SVOP: variants seen among roughly 807,000 people sequenced by gnomAD.
SVOP encodes the protein SV2 related protein.
SVOP carries 17 observed loss-of-function variants against 69.1 expected under a neutral mutation model. That is an observed-to-expected ratio of 0.25 (90% CI 0.17 to 0.37). SVOP has a LOEUF of 0.37. SVOP is among the 10% of genes least tolerant of loss of function. SVOP has a pLI of 1.00. For missense variants in SVOP, 435 were observed against 597.5 expected (o/e 0.73, Z 2.84); for synonymous variants, 238 against 238.6 (o/e 1.00, Z 0.02).
At chr12:108,995,410 C>T (rs2040225748) in intron 1 of SVOP, among the ~76,000 whole-genome samples, 1 of 151,970 alleles carries the variant, frequency 6.6e-6, no homozygotes, top group African/African-American at 2.4e-5. Flanking sequence ...AGGATTCTAC[C>T]TATATGAGGA....
At chr12:108,956,496 G>C (rs567456788) in intron 6 of SVOP, among the ~76,000 whole-genome samples, 1 of 152,068 alleles carries the variant, frequency 6.6e-6, no homozygotes, top group Admixed American at 6.6e-5. Flanking sequence ...GAGCCAGCCT[G>C]CCCGCAACAG....
intron 12 of SVOP, 97 bp from the exon 13 acceptor site, chr12:108,919,883 G>A (rs2039738380): frequency 6.2e-6 from 5 of 800,558 alleles, no homozygotes; most frequent in East Asian, 2.7e-5. Context: ...CCCCTGGAGG[G>A]TGGACTAGAC....
intron 6 of SVOP, among the ~76,000 whole-genome samples, chr12:108,958,338 T>C (rs1436719839): frequency 2.0e-5 from 3 of 151,512 alleles, no homozygotes; most frequent in Admixed American, 6.6e-5. Context: ...GTGTTTCTAC[T>C]GTAGGTTTTC....
chr12:108,963,722 G>C (rs902368939), intron 5 of SVOP, among the ~76,000 whole-genome samples: 2 of 151,998 alleles, frequency 1.3e-5, no homozygotes, highest in Admixed American at 6.6e-5. Context: ...GCCCAGGCTG[G>C]TCTCGAACTC....
intron 1 of SVOP, among the ~76,000 whole-genome samples, chr12:108,997,191 A>G (rs1324871442): frequency 6.6e-6 from 1 of 152,208 alleles, no homozygotes; most frequent in Non-Finnish European, 1.5e-5. Flanking sequence ...AGTCAAAGAA[A>G]GGGGTGACGG....
chr12:109,007,608 C>T (rs1816524341), intron 1 of SVOP, among the ~76,000 whole-genome samples: 1 of 152,226 alleles, frequency 6.6e-6, no homozygotes, highest in Admixed American at 6.5e-5. Context: ...GCAACAGAGG[C>T]AGGTGTCCCT....
chr12:109,017,902 T>G (rs1351158251), intron 1 of SVOP, among the ~76,000 whole-genome samples: 2 of 152,018 alleles, frequency 1.3e-5, no homozygotes, highest in Non-Finnish European at 2.9e-5. Flanking sequence ...ACTATATAAA[T>G]TATTTCATGT....
chr12:108,917,319 T>G (rs747153968), intron 14 of SVOP, among the ~76,000 whole-genome samples: 2 of 152,248 alleles, frequency 1.3e-5, no homozygotes, highest in South Asian at 4.1e-4. Context: ...ACTTCTTCAG[T>G]GCATACCATA....
intron 10 of SVOP, among the ~76,000 whole-genome samples, chr12:108,935,458 G>A (rs2039850669): frequency 6.6e-6 from 1 of 152,154 alleles, no homozygotes; most frequent in South Asian, 2.1e-4. Context: ...CAAATTACAT[G>A]TGCTCAAAGG....
intron 7 of SVOP, among the ~76,000 whole-genome samples, chr12:108,943,872 CTCT>C (rs201280387): frequency 0.55 from 81,357 of 148,902 alleles, 23,307 homozygotes; most frequent in South Asian, 0.66. Context: ...CTTCCTCTTC[CTCT>C]TCTTCTTCTT....
intron 6 of SVOP, among the ~76,000 whole-genome samples, chr12:108,949,127 A>C (rs1473734834): frequency 6.6e-6 from 1 of 152,194 alleles, no homozygotes; most frequent in Non-Finnish European, 1.5e-5. Context: ...ATAGAGTATT[A>C]TATGAATGCA....
Position 108,931,091 on chromosome 12 carries a change from G to A in SVOP, c.1048+3104C>T, listed in dbSNP as rs565564979. 2.0e-5 allele frequency among the ~76,000 whole-genome samples: 3 copies of A among 152,258 alleles called. No individual in the cohort carries two copies. In the East Asian group the frequency reaches 5.8e-4, roughly 29 times the overall value. Reference sequence around the variant, plus strand: ...TCTACTCTTAGGAGAGGCAATCTGTGCTCAGTCAATACCAAACCCTGTGAT... The same window carrying A: ...TCTACTCTTAGGAGAGGCAATCTGTACTCAGTCAATACCAAACCCTGTGAT... On this transcript the variant is annotated intron_variant, in intron 11 of 15. Coordinates refer to ENST00000610966, the MANE Select transcript of SVOP (RefSeq NM_018711.5).
At chr12:108,912,841 T>C (rs1593173935) in intron 15 of SVOP, 100 bp from the exon 16 acceptor site, 2 of 1,218,294 alleles carry the variant, frequency 1.6e-6, no homozygotes, top group Non-Finnish European at 2.3e-6. Flanking sequence ...TCTCGTGATA[T>C]CTGCTTGCTA....
chr12:109,005,771 A>C (rs1262977357), intron 1 of SVOP, among the ~76,000 whole-genome samples: 1 of 152,156 alleles, frequency 6.6e-6, no homozygotes, highest in Non-Finnish European at 1.5e-5. Context: ...AAGGGGACAA[A>C]GACAGTCCCA....
intron 10 of SVOP, among the ~76,000 whole-genome samples, chr12:108,936,532 G>A (rs1441934378): frequency 6.6e-6 from 1 of 152,096 alleles, no homozygotes; most frequent in African/African-American, 2.4e-5. Context: ...CTGGAGTACA[G>A]TGGCATGATC....
At position 108,912,559 on chromosome 12, in the gene SVOP, C is replaced by T; in HGVS notation, c.1623G>A (p.Arg541=). ...GRGMHGAGVT[R]SNSGSQE ...ACTATTCCTGAGAGCCAGAGTTCGACCTGGTAACACCTGCACCGTGCATTC... is the reference window on the plus strand; with the variant it reads ...ACTATTCCTGAGAGCCAGAGTTCGATCTGGTAACACCTGCACCGTGCATTC... Residue 541 remains arginine (R), a synonymous_variant, in exon 16 of 16, where the codon AGG becomes AGA. Coordinates refer to ENST00000610966, the MANE Select transcript of SVOP (RefSeq NM_018711.5). 1.2e-6 allele frequency: 2 copies of T among 1,613,810 alleles called. No homozygotes were observed. Among genetic ancestry groups the T allele is most frequent in the South Asian group, 1.1e-5 (1 of 91,074 alleles).
chr12:109,006,890 C>T (rs1206688929), intron 1 of SVOP, among the ~76,000 whole-genome samples: 1 of 152,108 alleles, frequency 6.6e-6, no homozygotes, highest in East Asian at 1.9e-4. Context: ...GCTGAAGCAT[C>T]AGAATATAAA....
rs2039688811 is a variant in SVOP at position 108,912,242 on chromosome 12, T to C, written c.*293A>G. 3 of 1,279,822 alleles carry C rather than the reference T, an allele frequency of 2.3e-6. No homozygotes were observed. The East Asian group carries it at 1.0e-4, about 44-fold the overall frequency. 79.3% of individuals were successfully genotyped at this position (1,279,822 alleles called of 1,614,324 possible). A position where few individuals can be genotyped will look rare whatever the true frequency, so the allele number is the denominator to read the frequency against. On this transcript the variant is annotated 3_prime_UTR_variant, in exon 16 of 16. Transcript: ENST00000610966. ...TGACTCTGGGTGGTGTCTGATTGGTTGCTGGCATTACCAGACCCTCCTAAT... is the reference window on the plus strand; with the variant it reads ...TGACTCTGGGTGGTGTCTGATTGGTCGCTGGCATTACCAGACCCTCCTAAT...
intron 4 of SVOP, among the ~76,000 whole-genome samples, chr12:108,975,397 T>C (rs2040100860): frequency 6.6e-6 from 1 of 152,214 alleles, no homozygotes; most frequent in Admixed American, 6.5e-5. Context: ...CTAAACCTCA[T>C]ACCACAAGAA....
Sources: allele counts gnomAD v4.1 joint callset (sites outside exome capture counted in the v4.1 genomes callset), GRCh38; gene constraint gnomAD v4.1.1; transcripts MANE v1.5; gene names NCBI Gene and HGNC (gene_info 2026-07-23, HGNC 2026-07-21).